ZNF236: variants seen among roughly 807,000 people sequenced by gnomAD.
ZNF236 encodes zinc finger protein 236, also known as regulated by glucose.
In ZNF236, 50 loss-of-function variants were observed where a neutral mutation model predicts 191.2. That is an observed-to-expected ratio of 0.26 (90% CI 0.21 to 0.33). The LOEUF (loss-of-function observed/expected upper bound fraction) is 0.33, where lower values mean the gene tolerates loss of function less well. Ranked by LOEUF, ZNF236 falls within the 10% of genes least tolerant of loss-of-function variation. The pLI, the probability that ZNF236 is intolerant of heterozygous loss-of-function variation, is 1.00. For synonymous variants in ZNF236, 907 were observed against 928.8 expected (o/e 0.98, Z 0.43); for missense variants, 1,754 against 2,374.5 (o/e 0.74, Z 5.43).
chr18:76,825,897 C>G (rs1352288108), intron 1 of ZNF236, among the ~76,000 whole-genome samples: 2 of 152,150 alleles, frequency 1.3e-5, no homozygotes, highest in African/African-American at 4.8e-5. Flanking sequence ...AGGCATGAGC[C>G]ACTGCTTCCA....
intron 1 of ZNF236, among the ~76,000 whole-genome samples, chr18:76,835,263 C>G (rs1364334650): frequency 6.6e-6 from 1 of 152,118 alleles, no homozygotes; most frequent in East Asian, 1.9e-4. Flanking sequence ...GGGTTGTTGT[C>G]AGAGAACTTA....
chr18:76,865,564 C>CT (rs1357842204), intron 3 of ZNF236, among the ~76,000 whole-genome samples: 2 of 152,140 alleles, frequency 1.3e-5, no homozygotes, highest in Non-Finnish European at 2.9e-5. Context: ...AGTGCAGGTA[C>CT]TTTGAGGTCT....
At chr18:76,855,767 G>A (rs978863938) in intron 3 of ZNF236, among the ~76,000 whole-genome samples, 24 of 152,144 alleles carry the variant, frequency 1.6e-4, no homozygotes, top group African/African-American at 5.8e-4. Flanking sequence ...CGTGGGTGGG[G>A]TGCTTCTGTT....
chr18:76,941,679 G>A (rs781049777), intron 26 of ZNF236, among the ~76,000 whole-genome samples: 6 of 152,130 alleles, frequency 3.9e-5, no homozygotes, highest in South Asian at 2.1e-4. Flanking sequence ...TGTCTATCCA[G>A]ATACATTAGT....
intron 3 of ZNF236, among the ~76,000 whole-genome samples, chr18:76,858,126 C>A (rs900048682): frequency 6.6e-6 from 1 of 152,112 alleles, no homozygotes; most frequent in Non-Finnish European, 1.5e-5. Flanking sequence ...ACATAATAAT[C>A]GGGTAGTAAG....
Position 76,908,458 on chromosome 18 carries a change from G to A in ZNF236, c.2436G>A (p.Glu812=), listed in dbSNP as rs182435676. 50 of 1,614,228 alleles carry A rather than the reference G, an allele frequency of 3.1e-5. No individual in the cohort carries two copies. The highest frequency in any genetic ancestry group is 4.1e-5 in the Non-Finnish European group (48 of 1,180,056). Reference sequence around the variant, plus strand: ...GCGACGAGCTGCCGCAGACGGCAGAGGTGGTCGCAGCGAACCCCGAGGCCA... The same window carrying A: ...GCGACGAGCTGCCGCAGACGGCAGAAGTGGTCGCAGCGAACCCCGAGGCCA... ...IESDELPQTA[E]VVAANPEAML... is the part of the protein sequence containing the mutation. The change falls in exon 14 of 31, where the codon GAG becomes GAA. Residue 812 remains glutamate, a synonymous_variant. Coordinates refer to ENST00000320610, the MANE Select transcript of ZNF236 (RefSeq NM_001306089.2).
At chr18:76,871,972 T>C (rs1976595780) in intron 5 of ZNF236, 147 bp downstream of exon 5, 1 of 1,015,032 alleles carries the variant, frequency 9.9e-7, no homozygotes, top group African/African-American at 1.6e-5. Context: ...CTTTGTGTGA[T>C]TTTATTTCCT....
In ZNF236 at chr18:76,925,441, C is replaced by T. The variant is rs1446814990; in HGVS notation, c.3914C>T (p.Ser1305Phe). The T allele has an allele frequency of 1.5e-5, 24 of 1,614,258 alleles. No individual in the cohort carries two copies. The highest frequency in any genetic ancestry group is 2.0e-5 in the Non-Finnish European group (24 of 1,180,050). Reference sequence around the variant, plus strand: ...CCTGTAAACCTCCTCAACTCCTCCTCTACTGACCCAAACGTGTTTATCATG... The same window carrying T: ...CCTGTAAACCTCCTCAACTCCTCCTTTACTGACCCAAACGTGTTTATCATG... ...LQPVNLLNSSSTDPNVFIMNN... is the reference protein window; with the variant it reads ...LQPVNLLNSSFTDPNVFIMNN... The change falls in exon 22 of 31, where the codon TCT (serine) becomes TTT (phenylalanine). Residue 1305 changes from serine to phenylalanine, a missense_variant. By Grantham distance (155) the Ser-to-Phe change is radical. Coordinates refer to ENST00000320610, the MANE Select transcript of ZNF236 (RefSeq NM_001306089.2). The surrounding 1 kb of genome is among the most constrained non-coding windows in gnomAD (Gnocchi z 5.7).
intron 27 of ZNF236, among the ~76,000 whole-genome samples, chr18:76,948,596 G>A (rs1968326981): frequency 6.6e-6 from 1 of 152,190 alleles, no homozygotes; most frequent in South Asian, 2.1e-4. Context: ...ACGTGGGGTG[G>A]AGTCCAGAGA....
chr18:76,823,909 C>T (rs1277517057), intron 1 of ZNF236, among the ~76,000 whole-genome samples: 2 of 152,188 alleles, frequency 1.3e-5, no homozygotes, highest in Non-Finnish European at 2.9e-5. Context: ...AGGCCTGGTC[C>T]CTGGTCCTGG....
chr18:76,844,073 CTA>C (rs1555685842), intron 1 of ZNF236, among the ~76,000 whole-genome samples: 1 of 151,764 alleles, frequency 6.6e-6, no homozygotes, highest in Non-Finnish European at 1.5e-5. Flanking sequence ...AACCCTGTCT[CTA>C]TGAAAAATGC....
At chr18:76,890,395 C>T (rs189341377) in intron 9 of ZNF236, among the ~76,000 whole-genome samples, 19 of 152,084 alleles carry the variant, frequency 1.2e-4, no homozygotes, top group Non-Finnish European at 2.6e-4. Context: ...TCCACTGTAC[C>T]GACCTTATTG....
chr18:76,841,231 C>G, intron 1 of ZNF236: 1 of 152,300 alleles, frequency 6.6e-6, no homozygotes, highest in Admixed American at 6.5e-5. Context: ...GCCACCGCAC[C>G]CGGCGTCGTT....
rs1214681932 is a variant in ZNF236, at chr18:76,971,836, A to T, written c.*3497A>T. 6.6e-6 allele frequency among the ~76,000 whole-genome samples: 1 copy of T among 152,248 alleles called. No individual in the cohort carries two copies. Among genetic ancestry groups the T allele is most frequent in the Non-Finnish European group, 1.5e-5 (1 of 68,044 alleles). On this transcript the variant is annotated 3_prime_UTR_variant, in exon 31 of 31. Coordinates refer to ENST00000320610, the MANE Select transcript of ZNF236 (RefSeq NM_001306089.2). ...GATTTTTAAAGGAAATAGGTAAGAT[A>T]TATAGAACTGCTTTCTAGTGTATAT...
intron 2 of ZNF236, among the ~76,000 whole-genome samples, chr18:76,851,263 CTTTTTTTTTTT>C (rs775928958): frequency 1.7e-5 from 2 of 117,680 alleles, no homozygotes; most frequent in African/African-American, 3.5e-5. Flanking sequence ...AGAAAGAAAC[CTTTTTTTTTTT>C]TTTTTTTTTG....
intron 19 of ZNF236, among the ~76,000 whole-genome samples, chr18:76,917,919 T>C (rs1967416616): frequency 1.3e-5 from 2 of 152,278 alleles, no homozygotes; most frequent in South Asian, 4.1e-4. Flanking sequence ...CTCCATGACT[T>C]TCTCCCTCAA....
chr18:76,837,553 G>A (rs1975373841), intron 1 of ZNF236, among the ~76,000 whole-genome samples: 1 of 147,172 alleles, frequency 6.8e-6, no homozygotes, highest in Non-Finnish European at 1.5e-5. Flanking sequence ...CAATTCTCCT[G>A]CCTCAGATTT....
rs868316814 is a variant in ZNF236 at position 76,968,688 on chromosome 18, C to T, written c.*349C>T. The T allele has an allele frequency of 2.4e-5, 24 of 1,016,642 alleles. No individual in the cohort carries two copies. Among genetic ancestry groups the T allele is most frequent in the African/African-American group, 1.7e-4 (10 of 58,016 alleles). The allele number at this position is 1,016,642 out of a possible 1,614,324, so 63.0% of individuals were successfully genotyped here. On this transcript the variant is annotated 3_prime_UTR_variant, in exon 31 of 31. Coordinates refer to ENST00000320610, the MANE Select transcript of ZNF236 (RefSeq NM_001306089.2). ...TTCTTTGTATTAGCAAAGACAAAAA[C>T]GCTAACATTGAAAAAGTATGTCAGA...
chr18:76,834,747 G>T, intron 1 of ZNF236: 1 of 452,964 alleles, frequency 2.2e-6, no homozygotes, highest in South Asian at 1.8e-5. Flanking sequence ...TTTCGGATGG[G>T]CATGGATCGA....
Sources: gnomAD v4.1 joint callset for allele counts (sites outside exome capture counted in the v4.1 genomes callset) on GRCh38, gnomAD v4.1.1 for gene constraint, Gnocchi (gnomAD v3.1) non-coding constraint, MANE v1.5 for transcripts, NCBI Gene and HGNC (gene_info 2026-07-23, HGNC 2026-07-21) for gene names.